Variants in EFL1 observed in about 807,000 individuals in gnomAD.
The protein encoded by EFL1 is elongation factor like GTPase 1, also known as elongation factor-like GTPase 1.
A neutral mutation model predicts 126.7 loss-of-function variants in EFL1; 76 were observed. The ratio of observed to expected loss-of-function variants is 0.60; its 90% confidence interval spans 0.50 to 0.73. The LOEUF (loss-of-function observed/expected upper bound fraction) is 0.73, where lower values mean the gene tolerates loss of function less well. Among genes scored for constraint, EFL1 ranks in the 30% least tolerant of loss-of-function variants. EFL1 has a pLI of 0.00. For missense variants in EFL1, 1,128 were observed against 1,343.2 expected (o/e 0.84, Z 2.50); for synonymous variants, 410 against 448.4 (o/e 0.91, Z 1.08).
intron 15 of EFL1, among the ~76,000 whole-genome samples, chr15:82,208,809 C>A (rs553474061): frequency 6.6e-6 from 1 of 151,924 alleles, no homozygotes; most frequent in South Asian, 2.1e-4. Context: ...AATACTTTCC[C>A]GGCACAATAA....
At chr15:82,197,761 CTGCTT>C (rs1427982005) in intron 15 of EFL1, among the ~76,000 whole-genome samples, 1 of 152,034 alleles carries the variant, frequency 6.6e-6, no homozygotes, top group Non-Finnish European at 1.5e-5. Context: ...ATTTAAATGC[CTGCTT>C]TGAAGTCATT....
At chr15:82,195,019 A>G (rs1294715459) in intron 15 of EFL1, among the ~76,000 whole-genome samples, 2 of 152,216 alleles carry the variant, frequency 1.3e-5, no homozygotes, top group East Asian at 3.8e-4. Flanking sequence ...GTAGCGTTCA[A>G]TATCAATACA....
intron 16 of EFL1, among the ~76,000 whole-genome samples, chr15:82,160,416 T>C (rs1440189652): frequency 6.6e-6 from 1 of 152,218 alleles, no homozygotes; most frequent in Admixed American, 6.5e-5. Flanking sequence ...AGCCACTAAA[T>C]TTTGAAGCAA....
At chr15:82,185,869 A>T (rs2141265333) in intron 15 of EFL1, among the ~76,000 whole-genome samples, 1 of 152,276 alleles carries the variant, frequency 6.6e-6, no homozygotes, top group South Asian at 2.1e-4. Context: ...TGAAAAGTAT[A>T]CAGTATTTTC....
At chr15:82,201,140 G>A (rs2074463469) in intron 15 of EFL1, among the ~76,000 whole-genome samples, 1 of 152,246 alleles carries the variant, frequency 6.6e-6, no homozygotes, top group African/African-American at 2.4e-5. Context: ...ACACTAAATA[G>A]CTTCTGGCTG....
chr15:82,251,136 C>T (rs1251988735), intron 4 of EFL1, among the ~76,000 whole-genome samples: 5 of 152,166 alleles, frequency 3.3e-5, no homozygotes, highest in South Asian at 4.2e-4. Flanking sequence ...CGCTGGAATC[C>T]GGGAGGCAGA....
At chr15:82,237,515 T>C (rs2074885511) in intron 7 of EFL1, among the ~76,000 whole-genome samples, 1 of 152,186 alleles carries the variant, frequency 6.6e-6, no homozygotes, top group South Asian at 2.1e-4. Flanking sequence ...ACACCAAACG[T>C]GAACATTTGG....
chr15:82,186,667 G>A lies in EFL1; in HGVS notation c.1751-22683C>T, dbSNP rs376351231. Among the ~76,000 whole-genome samples the A allele has an allele frequency of 7.2e-5, 11 of 152,134 alleles. No individual in the cohort carries two copies. The East Asian group carries it at 1.5e-3, about 21-fold the overall frequency. ...TTAACAACTGGTTAACAAATTTCCT[G>A]AAAATTTAGCAATCTGCTCTTATGA... On this transcript the variant is annotated intron_variant, in intron 15 of 19. Coordinates refer to ENST00000268206, the MANE Select transcript of EFL1 (RefSeq NM_024580.6).
intron 19 of EFL1, among the ~76,000 whole-genome samples, chr15:82,131,071 T>C (rs2073637412): frequency 6.6e-6 from 1 of 152,018 alleles, no homozygotes; most frequent in Non-Finnish European, 1.5e-5. Flanking sequence ...TGGAAGTAGA[T>C]TCAACAAAAC....
chr15:82,148,940 T>C (rs1168512737), intron 18 of EFL1, among the ~76,000 whole-genome samples: 4 of 150,208 alleles, frequency 2.7e-5, no homozygotes, highest in African/African-American at 9.8e-5. Context: ...GGAGACAACA[T>C]GGACTTTCTA....
At chr15:82,181,644 G>GTGTATA (rs1007312694) in intron 15 of EFL1, among the ~76,000 whole-genome samples, 2 of 151,100 alleles carry the variant, frequency 1.3e-5, no homozygotes, top group African/African-American at 2.4e-5. Context: ...GTGTGTGTGT[G>GTGTATA]TATATATATA....
intron 4 of EFL1, among the ~76,000 whole-genome samples, chr15:82,244,534 G>C (rs1325448411): frequency 6.6e-6 from 1 of 152,056 alleles, no homozygotes; most frequent in Admixed American, 6.5e-5. Context: ...TTACTTCCCA[G>C]GCATTCCAAA....
intron 15 of EFL1, among the ~76,000 whole-genome samples, chr15:82,188,747 C>T (rs2074327384): frequency 6.6e-6 from 1 of 152,080 alleles, no homozygotes; most frequent in African/African-American, 2.4e-5. Context: ...TTGGCTTAAC[C>T]TGTTCACATT....
At chr15:82,166,277 C>T (rs2074079123) in intron 15 of EFL1, among the ~76,000 whole-genome samples, 1 of 152,186 alleles carries the variant, frequency 6.6e-6, no homozygotes, top group Non-Finnish European at 1.5e-5. Context: ...TCTCTTTGAA[C>T]TTCTGGTTTA....
At chr15:82,241,862 G>A (rs1254605129) in intron 4 of EFL1, among the ~76,000 whole-genome samples, 1 of 152,222 alleles carries the variant, frequency 6.6e-6, no homozygotes, top group African/African-American at 2.4e-5. Flanking sequence ...TTGTCAAAGA[G>A]CAGTGTATGA....
intron 19 of EFL1, among the ~76,000 whole-genome samples, chr15:82,131,956 T>G (rs185481459): frequency 4.1e-4 from 62 of 152,136 alleles, no homozygotes; most frequent in Non-Finnish European, 7.9e-4. Flanking sequence ...ATCAAGTATG[T>G]ATAGGGTATA....
At chr15:82,255,363 A>G (rs1489390301) in intron 3 of EFL1, among the ~76,000 whole-genome samples, 1 of 152,092 alleles carries the variant, frequency 6.6e-6, no homozygotes, top group African/African-American at 2.4e-5. Context: ...ATACAGATTT[A>G]TTTTGTTTTG....
intron 15 of EFL1, among the ~76,000 whole-genome samples, chr15:82,180,363 AAAAAAAAAACAAAAAAAAAACAAAC>A (rs2074237822): frequency 1.9e-5 from 2 of 107,824 alleles, no homozygotes; most frequent in Admixed American, 8.5e-5. Context: ...AACTGGCAAA[AAAAAAAAAACAAAAAAAAAACAAAC>A]AAAAAAAACC....
Position 82,219,791 on chromosome 15 carries a change from G to A in EFL1, c.1472C>T (p.Thr491Ile). The change falls in exon 14 of 20, where the codon ACC becomes ATC. Residue 491 changes from threonine (T) to isoleucine (I), a missense_variant. Thr to Ile is a moderately conservative substitution (Grantham distance 89). Coordinates refer to ENST00000268206, the MANE Select transcript of EFL1 (RefSeq NM_024580.6). ...RGDEQQVESM[T>I]PKPVLQEENN... Reference sequence around the variant, plus strand: ...TTCTTCCTGGAGCACAGGTTTAGGGGTCATACTTTCCACCTGTTGCTCGTC... The same window carrying A: ...TTCTTCCTGGAGCACAGGTTTAGGGATCATACTTTCCACCTGTTGCTCGTC... The A allele has an allele frequency of 6.2e-7, 1 of 1,610,448 alleles. No homozygotes were observed. The highest frequency in any genetic ancestry group is 8.5e-7 in the Non-Finnish European group (1 of 1,179,106).
Sources: allele counts gnomAD v4.1 joint callset (sites outside exome capture counted in the v4.1 genomes callset), GRCh38; gene constraint gnomAD v4.1.1; transcripts MANE v1.5; gene names NCBI Gene and HGNC (gene_info 2026-07-23, HGNC 2026-07-21).